The following PTPRT variants were observed in gnomAD, a reference collection of about 807,000 sequenced individuals.
PTPRT encodes protein tyrosine phosphatase receptor type T.
PTPRT carries 56 observed loss-of-function variants against 176.8 expected under a neutral mutation model. That is an observed-to-expected ratio of 0.32 (90% CI 0.26 to 0.40). PTPRT has a LOEUF of 0.40. PTPRT is among the 10% of genes least tolerant of loss of function. PTPRT has a pLI of 1.00. For missense variants in PTPRT, 1,540 were observed against 1,908.2 expected, an observed-to-expected ratio of 0.81 and a Z score of 3.60; for synonymous variants, 783 against 739.0, an observed-to-expected ratio of 1.06 and a Z score of -0.96.
intron 15 of PTPRT, among the ~76,000 whole-genome samples, chr20:42,218,114 T>A (rs2055814100): frequency 6.6e-6 from 1 of 152,182 alleles, no homozygotes; most frequent in Non-Finnish European, 1.5e-5. Flanking sequence ...CTCGTAAATG[T>A]CTAACAATAG....
chr20:42,136,944 G>A (rs1273097154), intron 18 of PTPRT, among the ~76,000 whole-genome samples: 1 of 152,108 alleles, frequency 6.6e-6, no homozygotes, highest in East Asian at 1.9e-4. Context: ...GAGGGAGCTG[G>A]GGTATGTATA....
At chr20:42,047,357 G>A in the PTPRT span, among the ~76,000 whole-genome samples, 6 of 152,206 alleles carry the variant, frequency 3.9e-5, no homozygotes, top group African/African-American at 1.2e-4. Context: ...GGGGATTGCT[G>A]CCTGGGCTGT....
chr20:43,159,525 C>A (rs538406474), intron 1 of PTPRT, among the ~76,000 whole-genome samples: 2 of 152,312 alleles, frequency 1.3e-5, no homozygotes, highest in Admixed American at 6.5e-5. Context: ...AAGCACCTGG[C>A]GTGATGCCTG....
chr20:42,994,679 G>T (rs889858167), intron 1 of PTPRT, among the ~76,000 whole-genome samples: 1 of 152,136 alleles, frequency 6.6e-6, no homozygotes, highest in Non-Finnish European at 1.5e-5. Context: ...ATATATTAAT[G>T]AGCAGAATTA....
At chr20:43,151,215 A>G (rs1237652751) in intron 1 of PTPRT, among the ~76,000 whole-genome samples, 1 of 151,616 alleles carries the variant, frequency 6.6e-6, no homozygotes, top group South Asian at 2.1e-4. Context: ...CTGAGGCAGG[A>G]GAATTGCTTG....
At chr20:42,656,002 T>G (rs184880872) in intron 7 of PTPRT, among the ~76,000 whole-genome samples, 20 of 152,226 alleles carry the variant, frequency 1.3e-4, no homozygotes, top group Non-Finnish European at 2.8e-4. Context: ...TACCATCAAG[T>G]GCAGAAATCA....
chr20:42,691,595 T>C (rs1473655038), intron 6 of PTPRT, among the ~76,000 whole-genome samples: 2 of 152,190 alleles, frequency 1.3e-5, no homozygotes, highest in Non-Finnish European at 2.9e-5. Flanking sequence ...CCCTCCCTTA[T>C]GCAAAGGAAC....
chr20:42,585,137 ACTC>A (rs2073449609), intron 7 of PTPRT, among the ~76,000 whole-genome samples: 1 of 152,058 alleles, frequency 6.6e-6, no homozygotes, highest in Admixed American at 6.5e-5. Context: ...TGTGAACTGA[ACTC>A]CTTGTTCCAC....
At chr20:42,118,266 T>C in intron 21 of PTPRT, 137 bp downstream of exon 21, 1 of 593,410 alleles carries the variant, frequency 1.7e-6, no homozygotes, top group South Asian at 2.7e-5. Flanking sequence ...GGAATAGGAG[T>C]GATGACACCT....
intron 9 of PTPRT, among the ~76,000 whole-genome samples, chr20:42,443,856 C>A (rs1429204866): frequency 6.6e-6 from 1 of 152,210 alleles, no homozygotes; most frequent in African/African-American, 2.4e-5. Flanking sequence ...GGTATAAGGT[C>A]TTTTAATAAA....
chr20:42,653,560 A>G (rs1465910336), intron 7 of PTPRT, among the ~76,000 whole-genome samples: 1 of 152,232 alleles, frequency 6.6e-6, no homozygotes, highest in African/African-American at 2.4e-5. Flanking sequence ...AGAAGCCCAC[A>G]GATGTGTCTG....
At chr20:42,754,401 G>T (rs1424474063) in intron 6 of PTPRT, among the ~76,000 whole-genome samples, 1 of 150,918 alleles carries the variant, frequency 6.6e-6, no homozygotes, top group Non-Finnish European at 1.5e-5. Context: ...GGCCAGGCTG[G>T]TCTCAAACTC....
At chr20:43,065,007 CT>C (rs1392383649) in intron 1 of PTPRT, among the ~76,000 whole-genome samples, 1 of 152,120 alleles carries the variant, frequency 6.6e-6, no homozygotes, top group Admixed American at 6.5e-5. Context: ...GATGATGATC[CT>C]TCTATCCATG....
At chr20:42,879,423 T>C (rs528342314) in intron 2 of PTPRT, among the ~76,000 whole-genome samples, 2 of 152,330 alleles carry the variant, frequency 1.3e-5, no homozygotes, top group South Asian at 2.1e-4. Flanking sequence ...TATGTGTGTA[T>C]GTATCTTTGC....
chr20:42,892,201 T>C (rs1204260320), intron 1 of PTPRT, among the ~76,000 whole-genome samples: 1 of 152,226 alleles, frequency 6.6e-6, no homozygotes, highest in Admixed American at 6.5e-5. Context: ...ACACCTCCTT[T>C]TATTCACAGT....
chr20:42,356,362 G>C (rs988556438), intron 9 of PTPRT, among the ~76,000 whole-genome samples: 13 of 152,072 alleles, frequency 8.5e-5, no homozygotes, highest in African/African-American at 3.1e-4. Flanking sequence ...GTTGCTGACA[G>C]TAGGATCCAC....
rs1274325809 is a variant in PTPRT at position 42,076,674 on chromosome 20, C to G, written c.*4205G>C. 2 of 198,786 alleles carry G rather than the reference C, an allele frequency of 1.0e-5. No homozygotes were observed. The highest frequency in any genetic ancestry group is 4.6e-5 in the African/African-American group (2 of 43,286). The allele number at this position is 198,786 out of a possible 1,614,324, so 12.3% of individuals were successfully genotyped here. On this transcript the variant is annotated 3_prime_UTR_variant, in exon 31 of 31. Coordinates refer to ENST00000373187, the MANE Select transcript of PTPRT (RefSeq NM_007050.6). ...ATTCTAGGGTCAAGCTGAAGACCAG[C>G]TGACCTAGGGTCCGTCATAGCGGGG... is the stretch of plus-strand genomic sequence containing the variant.
intron 27 of PTPRT, among the ~76,000 whole-genome samples, chr20:42,096,761 T>A (rs1278068149): frequency 1.1e-3 from 81 of 76,500 alleles, no homozygotes; most frequent in Non-Finnish European, 1.1e-3. Flanking sequence ...TTAAAATTTT[T>A]TTTTTTTTTT....
intron 16 of PTPRT, among the ~76,000 whole-genome samples, chr20:42,186,213 C>T (rs1440496504): frequency 1.3e-5 from 2 of 151,770 alleles, no homozygotes; most frequent in Non-Finnish European, 2.9e-5. Flanking sequence ...GCTTTGTGGG[C>T]TAGGTGGTCT....
Sources: gnomAD v4.1 joint callset for allele counts (sites outside exome capture counted in the v4.1 genomes callset) on GRCh38, gnomAD v4.1.1 for gene constraint, MANE v1.5 for transcripts, NCBI Gene and HGNC (gene_info 2026-07-23, HGNC 2026-07-21) for gene names.